The following NEK10 variants were observed in gnomAD, a reference collection of about 807,000 sequenced individuals.
NEK10 encodes the protein NIMA related kinase 10.
In NEK10, 122 loss-of-function variants were observed where a neutral mutation model predicts 159.8. That is an observed-to-expected ratio of 0.76 (90% CI 0.66 to 0.89). The LOEUF (loss-of-function observed/expected upper bound fraction) is 0.89, where lower values mean the gene tolerates loss of function less well. Among genes scored for constraint, NEK10 ranks in the 40% least tolerant of loss-of-function variants. The pLI, the probability that NEK10 is intolerant of heterozygous loss-of-function variation, is 0.00. For missense variants in NEK10, 1,342 were observed against 1,323.1 expected, an observed-to-expected ratio of 1.01 and a Z score of -0.22; for synonymous variants, 466 against 457.1, an observed-to-expected ratio of 1.02 and a Z score of -0.25.
intron 16 of NEK10, 42 bp downstream of exon 16, chr3:27,293,546 C>T (rs761060805): frequency 9.6e-7 from 1 of 1,045,866 alleles, no homozygotes; most frequent in Non-Finnish European, 1.4e-6. Context: ...ATCTAATGAT[C>T]TCCTAAACCT....
chr3:27,232,943 T>C (rs1381887177), intron 23 of NEK10, among the ~76,000 whole-genome samples: 1 of 151,168 alleles, frequency 6.6e-6, no homozygotes, highest in African/African-American at 2.4e-5. Context: ...ATCTAACACC[T>C]GAATCAGAAA....
intron 5 of NEK10, among the ~76,000 whole-genome samples, chr3:27,336,074 G>A (rs867834858): frequency 3.3e-5 from 5 of 152,086 alleles, no homozygotes; most frequent in Non-Finnish European, 5.9e-5. Context: ...ACAAAAAGTT[G>A]GTTCTTCAAA....
At chr3:27,353,546 G>C (rs2048121756) in intron 1 of NEK10, among the ~76,000 whole-genome samples, 1 of 152,106 alleles carries the variant, frequency 6.6e-6, no homozygotes, top group Non-Finnish European at 1.5e-5. Context: ...CTCAAAGACA[G>C]TTTAAGGATT....
At chr3:27,158,696 G>C (rs571609442) in intron 30 of NEK10, among the ~76,000 whole-genome samples, 1 of 152,086 alleles carries the variant, frequency 6.6e-6, no homozygotes, top group African/African-American at 2.4e-5. Context: ...GCAAGGGAGG[G>C]GAAAATGTCA....
rs562096895 is a variant in NEK10 at position 27,156,682 on chromosome 3, G to A, written c.2869+6019C>T. The stretch of plus-strand genomic sequence containing the variant: ...TATTGGCATGGATGCAGTGATCAGG[G>A]AACACTTCTTCACTGCTGGTGGGAA... On this transcript the variant is annotated intron_variant, in intron 30 of 35. Coordinates refer to ENST00000691995, the MANE Select transcript of NEK10 (RefSeq NM_001394966.1). 5.9e-4 allele frequency among the ~76,000 whole-genome samples: 89 copies of A among 151,854 alleles called. 1 individual carries two copies. The highest frequency in any genetic ancestry group is 2.1e-3 in the African/African-American group (85 of 41,460).
chr3:27,142,662 GC>G (rs1943900285), intron 30 of NEK10, among the ~76,000 whole-genome samples: 1 of 152,096 alleles, frequency 6.6e-6, no homozygotes, highest in Non-Finnish European at 1.5e-5. Context: ...TCCTGAGAAA[GC>G]TTGCATATTT....
intron 23 of NEK10, among the ~76,000 whole-genome samples, chr3:27,203,966 T>C (rs1950265274): frequency 6.6e-6 from 1 of 152,180 alleles, no homozygotes; most frequent in Admixed American, 6.5e-5. Context: ...ACAAAAAGTA[T>C]TCCCTGCCAT....
intron 23 of NEK10, among the ~76,000 whole-genome samples, chr3:27,218,940 T>C (rs1368998371): frequency 6.6e-6 from 1 of 152,178 alleles, no homozygotes. Context: ...GTAAATAACA[T>C]GAATCTTGAA....
intron 30 of NEK10, among the ~76,000 whole-genome samples, chr3:27,150,102 A>G (rs1944682916): frequency 6.6e-6 from 1 of 152,236 alleles, no homozygotes; most frequent in African/African-American, 2.4e-5. Context: ...AGAGAGCTGC[A>G]GAAGGAAAGC....
intron 19 of NEK10, among the ~76,000 whole-genome samples, chr3:27,289,879 G>C (rs970308017): frequency 1.3e-5 from 2 of 152,134 alleles, no homozygotes; most frequent in Non-Finnish European, 1.5e-5. Context: ...TATGAACAAA[G>C]GTCTCCTTGT....
intron 31 of NEK10, 121 bp downstream of exon 31, chr3:27,141,361 A>G (rs1668259122): frequency 1.5e-6 from 1 of 646,166 alleles, no homozygotes. Context: ...CCCCACATGT[A>G]TGTAGCTGGG....
At chr3:27,242,745 G>C (rs1954691857) in intron 23 of NEK10, among the ~76,000 whole-genome samples, 1 of 152,194 alleles carries the variant, frequency 6.6e-6, no homozygotes, top group Non-Finnish European at 1.5e-5. Flanking sequence ...AAGGTGAGGA[G>C]GAGCTGAACA....
chr3:27,247,098 A>G (rs13098169), intron 23 of NEK10, among the ~76,000 whole-genome samples: 20,484 of 152,114 alleles, frequency 0.13, 3,432 homozygotes, highest in African/African-American at 0.4. Context: ...TTCCTTCCCA[A>G]TTTGGATGCC....
At chr3:27,135,573 C>T (rs972669668) in intron 31 of NEK10, among the ~76,000 whole-genome samples, 5 of 152,168 alleles carry the variant, frequency 3.3e-5, no homozygotes, top group Non-Finnish European at 4.4e-5. Context: ...TTGCTATATT[C>T]TCTAGTATCT....
intron 30 of NEK10, among the ~76,000 whole-genome samples, chr3:27,144,677 T>G (rs1009929053): frequency 1.3e-5 from 2 of 152,194 alleles, no homozygotes; most frequent in Non-Finnish European, 2.9e-5. Context: ...TTGTTCTTAT[T>G]GATTTGTAAA....
At chr3:27,341,940 G>A (rs1290654186) in intron 5 of NEK10, among the ~76,000 whole-genome samples, 2 of 152,040 alleles carry the variant, frequency 1.3e-5, no homozygotes, top group Non-Finnish European at 2.9e-5. Context: ...AACCATAATT[G>A]GACCAAGGAC....
chr3:27,284,610 A>G lies in NEK10; in HGVS notation c.2006T>C (p.Val669Ala), dbSNP rs2042439461. The G allele has an allele frequency of 1.3e-6, 2 of 1,552,756 alleles. No individual in the cohort carries two copies. The highest frequency in any genetic ancestry group is 1.8e-6 in the Non-Finnish European group (2 of 1,124,230). Reference sequence around the variant, plus strand: ...AAAATCTTTATACTTACTAACGGTTACTTTGTCCTTATCCCCCAACATAAT... The same window carrying G: ...AAAATCTTTATACTTACTAACGGTTGCTTTGTCCTTATCCCCCAACATAAT... ...NNIMLGDKDK[V>A]TVTDFGLAKQ... The change falls in exon 22 of 36, where the codon GTA (valine) becomes GCA (alanine). Residue 669 changes from valine (V) to alanine (A), a missense_variant. Physicochemically the swap from Val to Ala is moderately conservative, Grantham distance 64. Transcript: ENST00000691995.
intron 6 of NEK10, among the ~76,000 whole-genome samples, chr3:27,320,861 G>T (rs1011894844): frequency 6.6e-6 from 1 of 152,146 alleles, no homozygotes; most frequent in Non-Finnish European, 1.5e-5. Flanking sequence ...TGGCTGGTTG[G>T]TACCAAAATA....
At chr3:27,202,310 TA>T in intron 24 of NEK10, 117 bp downstream of exon 24, 2 of 913,408 alleles carry the variant, frequency 2.2e-6, no homozygotes, top group Non-Finnish European at 3.1e-6. Context: ...ATGCAGTTAA[TA>T]AAAACAATTC....
Sources: gnomAD v4.1 joint callset for allele counts (sites outside exome capture counted in the v4.1 genomes callset) on GRCh38, gnomAD v4.1.1 for gene constraint, MANE v1.5 for transcripts, NCBI Gene and HGNC (gene_info 2026-07-23, HGNC 2026-07-21) for gene names.